CCDC141: variants seen among roughly 807,000 people sequenced by gnomAD.
CCDC141 encodes coiled-coil domain-containing protein 141.
CCDC141 carries 168 observed loss-of-function variants against 181.0 expected under a neutral mutation model. The ratio of observed to expected loss-of-function variants is 0.93; its 90% CI spans 0.82 to 1.05. CCDC141 has a LOEUF of 1.05. CCDC141 is among the 50% of genes least tolerant of loss of function. The probability of loss-of-function intolerance (pLI) is 0.00; values close to 1 mark genes in which losing one functional copy is unlikely to be tolerated. For missense variants in CCDC141, 1,902 were observed against 1,788.5 expected (o/e 1.06, Z -1.14); for synonymous variants, 666 against 642.3 (o/e 1.04, Z -0.56).
chr2:178,909,862 T>C (rs375840773), intron 7 of CCDC141, among the ~76,000 whole-genome samples: 7 of 152,344 alleles, frequency 4.6e-5, no homozygotes, highest in African/African-American at 1.7e-4. Flanking sequence ...TTCCTTCATA[T>C]ATCTCTCTTC....
chr2:179,030,785 A>G (rs755689451), intron 2 of CCDC141, among the ~76,000 whole-genome samples: 1 of 152,114 alleles, frequency 6.6e-6, no homozygotes, highest in African/African-American at 2.4e-5. Flanking sequence ...GACAGTGTCT[A>G]ATAATACTGC....
At chr2:178,943,065 G>A (rs1360858112) in intron 6 of CCDC141, among the ~76,000 whole-genome samples, 3 of 152,042 alleles carry the variant, frequency 2.0e-5, no homozygotes, top group African/African-American at 7.2e-5. Context: ...AACCCCAAGG[G>A]ATGTCTAAAT....
chr2:178,893,150 C>T (rs1382852998), intron 8 of CCDC141, among the ~76,000 whole-genome samples: 1 of 151,988 alleles, frequency 6.6e-6, no homozygotes, highest in Non-Finnish European at 1.5e-5. Context: ...GTTAGAAACT[C>T]CAAATGAGAA....
At chr2:179,045,365 G>A (rs1387420099) in intron 2 of CCDC141, among the ~76,000 whole-genome samples, 1 of 145,640 alleles carries the variant, frequency 6.9e-6, no homozygotes, top group African/African-American at 2.5e-5. Flanking sequence ...TGGCTGCATA[G>A]TATTCCATGG....
At chr2:179,010,304 C>T (rs2042231073) in intron 2 of CCDC141, among the ~76,000 whole-genome samples, 1 of 151,426 alleles carries the variant, frequency 6.6e-6, no homozygotes, top group Non-Finnish European at 1.5e-5. Context: ...CAAAGAACAT[C>T]CAGGAAATTC....
chr2:178,893,980 C>G (rs73973185), intron 8 of CCDC141, among the ~76,000 whole-genome samples: 1,524 of 152,202 alleles, frequency 0.01, 32 homozygotes, highest in African/African-American at 0.035. Context: ...GCCATAGAGA[C>G]CAACATATAT....
At chr2:178,932,336 G>A (rs1383767322) in intron 6 of CCDC141, among the ~76,000 whole-genome samples, 5 of 152,152 alleles carry the variant, frequency 3.3e-5, no homozygotes, top group Admixed American at 2.6e-4. Context: ...TATATCAGAA[G>A]TAAGCAGAGA....
chr2:178,896,183 T>G (rs1005560739), intron 8 of CCDC141, among the ~76,000 whole-genome samples: 2 of 152,222 alleles, frequency 1.3e-5, no homozygotes, highest in African/African-American at 4.8e-5. Flanking sequence ...GGCTCGAAGA[T>G]GTAGACCCTT....
rs1312113022 is a variant in CCDC141 at position 178,837,236 on chromosome 2, T to C, written c.3983A>G (p.His1328Arg). The C allele has an allele frequency of 1.2e-6, 2 of 1,614,068 alleles. No individual in the cohort carries two copies. Among genetic ancestry groups the C allele is most frequent in the South Asian group, 1.1e-5 (1 of 91,072 alleles). ...AGGGTGCTGCTGTAAAGCTCTCTCA[T>C]GCACTTCACTCATCATGCTCTCTGG... ...EHPESMMSEV[H>R]ERALQQHPQA... is the part of the protein sequence containing the mutation. The change falls in exon 23 of 24, where the codon CAT (histidine) becomes CGT (arginine). Residue 1328 changes from histidine to arginine, a missense_variant. His to Arg is a conservative substitution (Grantham distance 29). Transcript: ENST00000443758.
At chr2:178,992,367 C>T (rs1575318192) in intron 2 of CCDC141, among the ~76,000 whole-genome samples, 3 of 117,740 alleles carry the variant, frequency 2.5e-5, no homozygotes, top group African/African-American at 6.6e-5. Flanking sequence ...TTAAATAGAC[C>T]TATTCTTAAA....
chr2:178,937,632 A>G (rs1689342777), intron 6 of CCDC141, among the ~76,000 whole-genome samples: 1 of 151,900 alleles, frequency 6.6e-6, no homozygotes, highest in Non-Finnish European at 1.5e-5. Flanking sequence ...TTTTGGGAAT[A>G]GTTTTTGTAG....
At chr2:179,044,570 A>G (rs1409165486) in intron 2 of CCDC141, among the ~76,000 whole-genome samples, 1 of 152,190 alleles carries the variant, frequency 6.6e-6, no homozygotes, top group East Asian at 1.9e-4. Context: ...GTAGCACAAG[A>G]GTTCCAAACT....
At position 179,037,811 on chromosome 2, in the gene CCDC141, C is replaced by T. The variant is rs565033279; in HGVS notation, c.225+9473G>A. On this transcript the variant is annotated intron_variant, in intron 2 of 23. Coordinates refer to ENST00000443758, the MANE Select transcript of CCDC141 (RefSeq NM_173648.4). ...ACCACAATAACATATCACTTCACAC[C>T]TAATAGGATGGCTATGACTTTTTAA... 3.2e-4 allele frequency among the ~76,000 whole-genome samples: 49 copies of T among 152,272 alleles called. No individual in the cohort carries two copies. The Middle Eastern group carries it at 0.017, about 53-fold the overall frequency.
chr2:179,008,199 C>A (rs1399060980), intron 2 of CCDC141, among the ~76,000 whole-genome samples: 1 of 152,114 alleles, frequency 6.6e-6, no homozygotes, highest in African/African-American at 2.4e-5. Flanking sequence ...TTTGGTCAAA[C>A]AAAAATATAC....
intron 8 of CCDC141, among the ~76,000 whole-genome samples, chr2:178,895,049 T>A (rs779693377): frequency 2.0e-5 from 3 of 152,148 alleles, no homozygotes; most frequent in Non-Finnish European, 4.4e-5. Flanking sequence ...ATTAGTATTA[T>A]GCCTTATAGA....
intron 8 of CCDC141, among the ~76,000 whole-genome samples, chr2:178,898,586 T>C (rs530079935): frequency 6.6e-6 from 1 of 152,292 alleles, no homozygotes; most frequent in East Asian, 1.9e-4. Flanking sequence ...GGAATTACCA[T>C]CAGATTAGAT....
chr2:179,014,215 C>A (rs1032052879), intron 2 of CCDC141, among the ~76,000 whole-genome samples: 17 of 151,970 alleles, frequency 1.1e-4, no homozygotes, highest in Admixed American at 3.3e-4. Context: ...AATTGGCTAG[C>A]CAATGTAGGA....
At chr2:178,844,858 G>A (rs1030983398) in intron 22 of CCDC141, among the ~76,000 whole-genome samples, 3 of 152,176 alleles carry the variant, frequency 2.0e-5, no homozygotes, top group Middle Eastern at 3.2e-3. Context: ...AGCTCCTCAG[G>A]AGAGAAACAC....
At chr2:178,844,651 T>G (rs117154060) in intron 22 of CCDC141, among the ~76,000 whole-genome samples, 1 of 152,264 alleles carries the variant, frequency 6.6e-6, no homozygotes, top group South Asian at 2.1e-4. Flanking sequence ...GGCCTTGACA[T>G]AGATTAACCT....
Sources: allele counts gnomAD v4.1 joint callset (sites outside exome capture counted in the v4.1 genomes callset), GRCh38; gene constraint gnomAD v4.1.1; transcripts MANE v1.5; gene names NCBI Gene and HGNC (gene_info 2026-07-23, HGNC 2026-07-21).